The following ATAD5 variants were observed in gnomAD, a reference collection of about 807,000 sequenced individuals.
ATAD5 encodes ATPase family AAA domain-containing protein 5.
ATAD5 carries 58 observed loss-of-function variants against 176.9 expected under a neutral mutation model. That is an observed-to-expected ratio of 0.33 (90% CI 0.27 to 0.41). ATAD5 has a LOEUF of 0.41. ATAD5 is among the 10% of genes least tolerant of loss of function. ATAD5 has a pLI of 1.00. For synonymous variants in ATAD5, 640 were observed against 712.6 expected (o/e 0.90, Z 1.62); for missense variants, 1,789 against 2,094.1 (o/e 0.85, Z 2.84).
chr17:30,839,212 A>G (rs1905929388), intron 3 of ATAD5, among the ~76,000 whole-genome samples: 1 of 152,092 alleles, frequency 6.6e-6, no homozygotes, highest in African/African-American at 2.4e-5. Flanking sequence ...CTTATTGTTT[A>G]TCCTTTCAGA....
intron 4 of ATAD5, among the ~76,000 whole-genome samples, chr17:30,841,975 A>G (rs1266758695): frequency 6.6e-6 from 1 of 152,198 alleles, no homozygotes; most frequent in Non-Finnish European, 1.5e-5. Flanking sequence ...ACAAATTAAA[A>G]AAATAAAATA....
intron 19 of ATAD5, among the ~76,000 whole-genome samples, chr17:30,888,940 C>G (rs1232281525): frequency 6.6e-6 from 1 of 151,624 alleles, no homozygotes; most frequent in Non-Finnish European, 1.5e-5. Flanking sequence ...GCGGCACATG[C>G]CTGTAGCTAC....
chr17:30,840,074 T>A, intron 3 of ATAD5, among the ~76,000 whole-genome samples: 1 of 151,856 alleles, frequency 6.6e-6, no homozygotes, highest in South Asian at 2.1e-4. Context: ...GGTGTGCACC[T>A]GTAGTCCCAG....
intron 14 of ATAD5, among the ~76,000 whole-genome samples, chr17:30,870,018 G>A (rs1480651408): frequency 6.6e-6 from 1 of 152,072 alleles, no homozygotes; most frequent in African/African-American, 2.4e-5. Context: ...GGAAGTTGAT[G>A]TGGGAGGTTC....
rs930649848 is a variant in ATAD5, at chr17:30,832,205, C to T, written c.-143C>T. 1.7e-5 allele frequency: 9 copies of T among 527,834 alleles called. No homozygotes were observed. The South Asian group carries it at 3.5e-4, about 21-fold the overall frequency. The allele number at this position is 527,834 out of a possible 1,614,324, so 32.7% of individuals were successfully genotyped here. A position where few individuals can be genotyped will look rare whatever the true frequency, so the allele number is the denominator to read the frequency against. On this transcript the variant is annotated 5_prime_UTR_variant, in exon 1 of 23. Transcript: ENST00000321990. ...CCCAGCCTCCGCTCCCGCTCTCTGT[C>T]GGTGGGCGCGGGGGAATCCGAAACG...
chr17:30,893,159 A>T, intron 20 of ATAD5, 135 bp from the exon 21 acceptor site: 1 of 879,252 alleles, frequency 1.1e-6, no homozygotes, highest in Non-Finnish European at 1.6e-6. Context: ...TATTAAATAT[A>T]GATAAATAAA....
intron 12 of ATAD5, 97 bp downstream of exon 12, chr17:30,868,509 A>ATTT (rs745465090): frequency 0.067 from 32,172 of 482,974 alleles, 789 homozygotes; most frequent in South Asian, 0.14. Flanking sequence ...TTTTTTTTTA[A>ATTT]TTTTTTTTTT....
chr17:30,851,815 C>A (rs191986988), intron 6 of ATAD5, among the ~76,000 whole-genome samples: 2 of 152,292 alleles, frequency 1.3e-5, no homozygotes, highest in Non-Finnish European at 2.9e-5. Flanking sequence ...CTCCTGGTCT[C>A]AAGTTATCTG....
chr17:30,868,695 T>TG (rs1293614115), intron 12 of ATAD5, among the ~76,000 whole-genome samples: 17 of 151,596 alleles, frequency 1.1e-4, no homozygotes, highest in African/African-American at 3.9e-4. Context: ...TTAGTAGAGA[T>TG]GGGGTTTCAC....
chr17:30,852,698 G>A (rs949108733), intron 6 of ATAD5, among the ~76,000 whole-genome samples: 5 of 152,038 alleles, frequency 3.3e-5, no homozygotes, highest in Admixed American at 3.3e-4. Flanking sequence ...GAGCAGGCCT[G>A]TCACATGGCG....
chr17:30,877,561 G>A lies in ATAD5; in HGVS notation c.3918+12G>A. The A allele has an allele frequency of 6.3e-7, 1 of 1,599,140 alleles. No homozygotes were observed. Among genetic ancestry groups the A allele is most frequent in the Non-Finnish European group, 8.5e-7 (1 of 1,176,152 alleles). On this transcript the variant is annotated intron_variant, in intron 16 of 22. Coordinates refer to ENST00000321990, the MANE Select transcript of ATAD5 (RefSeq NM_024857.5). ...TTCTTTTTGAGGAGGTAGGCTTATAGAAGTATACATTTGTGAGAGCTCATG... is the reference window on the plus strand; with the variant it reads ...TTCTTTTTGAGGAGGTAGGCTTATAAAAGTATACATTTGTGAGAGCTCATG...
rs2142465605 is a variant in ATAD5 at position 30,895,356 on chromosome 17, T to G, written c.*443T>G. ...AAAACATTATCTGGTGAATTATATTTTTAACCTAAAAGTTAAGGATCCTCA... is the reference window on the plus strand; with the variant it reads ...AAAACATTATCTGGTGAATTATATTGTTAACCTAAAAGTTAAGGATCCTCA... On this transcript the variant is annotated 3_prime_UTR_variant, in exon 23 of 23. Transcript: ENST00000321990. The G allele has an allele frequency of 6.6e-6, 1 of 152,388 alleles. No individual in the cohort carries two copies. The highest frequency in any genetic ancestry group is 6.6e-5 in the Admixed American group (1 of 15,248). The allele number at this position is 152,388 out of a possible 1,614,324, so 9.4% of individuals were successfully genotyped here.
intron 20 of ATAD5, 55 bp from the exon 21 acceptor site, chr17:30,893,239 A>C: frequency 6.7e-7 from 1 of 1,500,464 alleles, no homozygotes; most frequent in South Asian, 1.4e-5. Flanking sequence ...ACAGGTAGAA[A>C]AGTATTCAAA....
intron 5 of ATAD5, among the ~76,000 whole-genome samples, 170 bp from the exon 6 acceptor site, chr17:30,844,665 T>G (rs1179506927): frequency 7.0e-6 from 1 of 143,500 alleles, no homozygotes; most frequent in Non-Finnish European, 1.5e-5. Flanking sequence ...TGAGAATCAC[T>G]TGAGCCCTGG....
intron 11 of ATAD5, among the ~76,000 whole-genome samples, chr17:30,866,263 T>C (rs1274296658): frequency 7.0e-6 from 1 of 142,028 alleles, no homozygotes; most frequent in Non-Finnish European, 1.5e-5. Flanking sequence ...AATGGCACGA[T>C]CTTGGCTCAC....
intron 19 of ATAD5, among the ~76,000 whole-genome samples, chr17:30,891,316 A>C (rs954614351): frequency 2.6e-5 from 4 of 152,170 alleles, no homozygotes; most frequent in African/African-American, 9.7e-5. Context: ...ATCTTATTTT[A>C]AAATTACATT....
At chr17:30,833,354 G>C (rs967426032) in intron 1 of ATAD5, among the ~76,000 whole-genome samples, 4 of 152,124 alleles carry the variant, frequency 2.6e-5, no homozygotes, top group African/African-American at 9.7e-5. Context: ...CTAATGCTAA[G>C]AAACCCTATT....
chr17:30,874,269 A>ACCAC (rs1908519495), intron 14 of ATAD5, among the ~76,000 whole-genome samples: 1 of 151,700 alleles, frequency 6.6e-6, no homozygotes, highest in African/African-American at 2.4e-5. Flanking sequence ...AAGGCCAGGC[A>ACCAC]CGGTGGCTCA....
In ATAD5 at chr17:30,860,518, T is replaced by C. The variant is rs1907565351; in HGVS notation, c.3042T>C (p.Asn1014=). 6.3e-7 allele frequency: 1 copy of C among 1,599,524 alleles called. No individual in the cohort carries two copies. Among genetic ancestry groups the C allele is most frequent in the Non-Finnish European group, 8.5e-7 (1 of 1,177,036 alleles). The change falls in exon 10 of 23, where the codon AAT becomes AAC. Residue 1014 remains asparagine, a synonymous_variant. Coordinates refer to ENST00000321990, the MANE Select transcript of ATAD5 (RefSeq NM_024857.5). ...ENSKSKRKKP[N]EYSKNLEKTN... is the part of the protein sequence containing the mutation. ...CTAAGTCAAAAAGAAAGAAACCAAA[T>C]GAGTATTCAAAAAATCTGGAGAAGA... is the stretch of plus-strand genomic sequence containing the variant.
Sources: gnomAD v4.1 joint callset for allele counts (sites outside exome capture counted in the v4.1 genomes callset) on GRCh38, gnomAD v4.1.1 for gene constraint, MANE v1.5 for transcripts, NCBI Gene and HGNC (gene_info 2026-07-23, HGNC 2026-07-21) for gene names.